SLC22A8: variants seen among roughly 807,000 people sequenced by gnomAD.
The protein encoded by SLC22A8 is organic anion transporter 3.
SLC22A8 carries 40 observed loss-of-function variants against 48.4 expected under a neutral mutation model. The observed-to-expected ratio is 0.83, with a 90% confidence interval of 0.64 to 1.08. The LOEUF (loss-of-function observed/expected upper bound fraction) is 1.08, where lower values mean the gene tolerates loss of function less well. Ranked by LOEUF, SLC22A8 falls within the 50% of genes least tolerant of loss-of-function variation. The pLI is 0.00. For missense variants in SLC22A8, 606 were observed against 699.0 expected, an observed-to-expected ratio of 0.87 and a Z score of 1.50; for synonymous variants, 268 against 286.3, an observed-to-expected ratio of 0.94 and a Z score of 0.65.
At position 63,014,978 on chromosome 11, in the gene SLC22A8, C is replaced by T. The variant is rs771739076; in HGVS notation, c.-20G>A. On this transcript the variant is annotated 5_prime_UTR_variant, in exon 2 of 11. Transcript: ENST00000336232. ...GGTCATGGCACTGGGGCAAGACGAG[C>T]CAGAGCTGTGGGCAGGGCATAGGCC... 11 of 1,529,388 alleles carry T rather than the reference C, an allele frequency of 7.2e-6. No individual in the cohort carries two copies. The highest frequency in any genetic ancestry group is 8.8e-6 in the Non-Finnish European group (10 of 1,133,838). 94.7% of individuals were successfully genotyped at this position (1,529,388 alleles called of 1,614,324 possible).
At chr11:62,995,483 C>T in intron 7 of SLC22A8, 1 of 571,210 alleles carries the variant, frequency 1.8e-6, no homozygotes, top group South Asian at 2.1e-5. Context: ...AGGGGTGGGG[C>T]ATTGTGACCC....
In SLC22A8 at chr11:62,993,867, C is replaced by G; in HGVS notation, c.1228G>C (p.Val410Leu). Residue 410 changes from valine to leucine, a missense_variant, in exon 9 of 11, where the codon GTG becomes CTG. Coordinates refer to ENST00000336232, the MANE Select transcript of SLC22A8 (RefSeq NM_004254.4). Reference sequence around the variant, plus strand: ...CCAAACACAGCCAATACTGTCCTCACGGTCTGCAAGTCTGCAGAGGGAAGA... The same window carrying G: ...CCAAACACAGCCAATACTGTCCTCAGGGTCTGCAAGTCTGCAGAGGGAAGA... ...LTFVPLDLQTVRTVLAVFGKG... is the reference protein window; with the variant it reads ...LTFVPLDLQTLRTVLAVFGKG... The G allele has an allele frequency of 6.2e-7, 1 of 1,611,250 alleles. No homozygotes were observed. The highest frequency in any genetic ancestry group is 8.5e-7 in the Non-Finnish European group (1 of 1,177,364).
intron 9 of SLC22A8, 30 bp from the exon 10 acceptor site, chr11:62,993,657 C>G (rs11568484): frequency 6.2e-6 from 10 of 1,601,972 alleles, no homozygotes; most frequent in Non-Finnish European, 8.5e-6. Flanking sequence ...GGATTGGTAG[C>G]CTGTGTGTGG....
At chr11:62,999,183 T>A in intron 4 of SLC22A8, 94 bp from the exon 5 acceptor site, 1 of 1,096,782 alleles carries the variant, frequency 9.1e-7, no homozygotes, top group Non-Finnish European at 1.4e-6. Flanking sequence ...CCACGGCTAC[T>A]GACATCCTCC....
Position 63,014,879 on chromosome 11 carries a change from G to A in SLC22A8, c.80C>T (p.Pro27Leu), listed in dbSNP as rs748777964. 2.5e-6 allele frequency: 4 copies of A among 1,607,760 alleles called. No homozygotes were observed. Among genetic ancestry groups the A allele is most frequent in the Admixed American group, 1.7e-5 (1 of 59,748 alleles). Residue 27 changes from proline (P) to leucine (L), a missense_variant, in exon 2 of 11, where the codon CCG becomes CTG. Physicochemically the swap from Pro to Leu is moderately conservative, Grantham distance 98 (BLOSUM62 -3). Transcript: ENST00000336232. ...QFLHVAILGL[P>L]ILNMANHNLL... is the part of the protein sequence containing the mutation. ...GTTGTGGTTGGCCATGTTGAGGATC[G>A]GGAGGCCCAGTATGGCTACATGCAG... is the stretch of plus-strand genomic sequence containing the variant.
intron 2 of SLC22A8, among the ~76,000 whole-genome samples, chr11:63,006,660 T>C (rs1369230618): frequency 7.5e-6 from 1 of 133,828 alleles, no homozygotes; most frequent in Non-Finnish European, 1.5e-5. Flanking sequence ...CAGGCTGGAG[T>C]ACAGTGGTGC....
chr11:63,011,744 C>T (rs1379924209), intron 2 of SLC22A8, among the ~76,000 whole-genome samples: 2 of 152,204 alleles, frequency 1.3e-5, no homozygotes, highest in Non-Finnish European at 2.9e-5. Context: ...AAACTACCCT[C>T]TAAGGGGCAG....
intron 2 of SLC22A8, among the ~76,000 whole-genome samples, chr11:63,008,009 TCTG>T (rs1358971347): frequency 2.0e-5 from 3 of 152,146 alleles, no homozygotes; most frequent in African/African-American, 7.2e-5. Context: ...CGTGCCGTGC[TCTG>T]AGGCCTGGGC....
intron 5 of SLC22A8, among the ~76,000 whole-genome samples, chr11:62,998,405 C>T (rs1244103378): frequency 6.6e-6 from 1 of 152,142 alleles, no homozygotes; most frequent in Non-Finnish European, 1.5e-5. Flanking sequence ...TTAAACTTTC[C>T]TTTGTACTTC....
intron 2 of SLC22A8, among the ~76,000 whole-genome samples, chr11:63,011,093 G>A (rs139426072): frequency 1.0e-3 from 153 of 152,348 alleles, no homozygotes; most frequent in African/African-American, 3.6e-3. Context: ...GATCTGTGAT[G>A]TCCCTGGGCA....
At chr11:63,014,323 C>T (rs755051807) in intron 2 of SLC22A8, among the ~76,000 whole-genome samples, 9 of 152,142 alleles carry the variant, frequency 5.9e-5, no homozygotes, top group South Asian at 4.2e-4. Flanking sequence ...CTATCTCCAC[C>T]GGGCTGTAGA....
intron 2 of SLC22A8, among the ~76,000 whole-genome samples, chr11:63,012,664 G>A (rs897736102): frequency 1.3e-5 from 2 of 152,180 alleles, no homozygotes; most frequent in Non-Finnish European, 2.9e-5. Context: ...CTCTGTACCA[G>A]GCACTATTCT....
At chr11:63,003,619 A>G (rs1000784879) in intron 2 of SLC22A8, among the ~76,000 whole-genome samples, 1 of 152,182 alleles carries the variant, frequency 6.6e-6, no homozygotes, top group Non-Finnish European at 1.5e-5. Context: ...ACCTAAATTC[A>G]TTCACCCCTT....
At position 62,993,235 on chromosome 11, in the gene SLC22A8, C is replaced by T. The variant is rs779785268; in HGVS notation, c.*2G>A. ...GGGCAGGGAAAGGGGGTTCCGTTGT[C>T]CTCAGCTGGAGCCCAGGCCTGGTCC... On this transcript the variant is annotated 3_prime_UTR_variant, in exon 11 of 11. Coordinates refer to ENST00000336232, the MANE Select transcript of SLC22A8 (RefSeq NM_004254.4). 3 of 1,610,658 alleles carry T rather than the reference C, an allele frequency of 1.9e-6. No homozygotes were observed. Among genetic ancestry groups the T allele is most frequent in the Non-Finnish European group, 1.7e-6 (2 of 1,178,844 alleles).
At chr11:62,996,242 G>T (rs1294986111) in intron 5 of SLC22A8, 90 bp from the exon 6 acceptor site, 23 of 1,338,280 alleles carry the variant, frequency 1.7e-5, no homozygotes, top group Non-Finnish European at 2.4e-5. Flanking sequence ...GGGCCAAGGG[G>T]TAGGAGGACC....
chr11:63,006,896 C>T (rs954994390), intron 2 of SLC22A8, among the ~76,000 whole-genome samples: 19 of 151,822 alleles, frequency 1.3e-4, no homozygotes, highest in South Asian at 4.2e-4. Flanking sequence ...CGTGAGCCAC[C>T]GCGCCCAGCC....
chr11:63,010,796 C>T (rs564198690), intron 2 of SLC22A8, among the ~76,000 whole-genome samples: 1 of 152,322 alleles, frequency 6.6e-6, no homozygotes, highest in Non-Finnish European at 1.5e-5. Context: ...TGACTGGGAA[C>T]TGGCTCAAGC....
Position 62,992,947 on chromosome 11 carries a change from G to A in SLC22A8, c.*290C>T. ...AGGACTGAGCCAGGGGATATCAGGG[G>A]ACCTCAGGGGAAGAGGACCGGGACA... is the stretch of plus-strand genomic sequence containing the variant. On this transcript the variant is annotated 3_prime_UTR_variant, in exon 11 of 11. Transcript: ENST00000336232. The A allele has an allele frequency of 2.2e-6, 1 of 464,686 alleles. No homozygotes were observed. Among genetic ancestry groups the A allele is most frequent in the Non-Finnish European group, 3.8e-6 (1 of 262,044 alleles). 28.8% of individuals were successfully genotyped at this position (464,686 alleles called of 1,614,324 possible).
At chr11:62,996,541 T>C (rs1201412886) in intron 5 of SLC22A8, among the ~76,000 whole-genome samples, 1 of 152,202 alleles carries the variant, frequency 6.6e-6, no homozygotes, top group African/African-American at 2.4e-5. Flanking sequence ...TTCCTTGGGC[T>C]GCATTCCCAG....
Sources: allele counts gnomAD v4.1 joint callset (sites outside exome capture counted in the v4.1 genomes callset), GRCh38; gene constraint gnomAD v4.1.1; transcripts MANE v1.5; gene names NCBI Gene and HGNC (gene_info 2026-07-23, HGNC 2026-07-21).